MAP4K5: variants seen among roughly 807,000 people sequenced by gnomAD.
MAP4K5 encodes the protein mitogen-activated protein kinase kinase kinase kinase 5, also known as MAPK/ERK kinase kinase kinase 5.
In MAP4K5, 82 loss-of-function variants were observed where a neutral mutation model predicts 135.6. The observed-to-expected ratio is 0.60, with a 90% CI of 0.51 to 0.73. The LOEUF is 0.73. Among genes scored for constraint, MAP4K5 ranks in the 30% least tolerant of loss-of-function variants. MAP4K5 has a pLI of 0.00. For missense variants in MAP4K5, 907 were observed against 1,010.9 expected (o/e 0.90, Z 1.39); for synonymous variants, 347 against 335.0 (o/e 1.04, Z -0.39).
At chr14:50,444,934 GA>G in intron 18 of MAP4K5, 106 bp downstream of exon 18, 3 of 1,211,018 alleles carry the variant, frequency 2.5e-6, no homozygotes, top group Non-Finnish European at 3.4e-6. Flanking sequence ...GATATTTTTT[GA>G]AATAGGAACA....
At chr14:50,478,603 A>AT (rs1380540509) in intron 6 of MAP4K5, among the ~76,000 whole-genome samples, 2 of 152,062 alleles carry the variant, frequency 1.3e-5, no homozygotes, top group African/African-American at 2.4e-5. Flanking sequence ...CAGATTTCAG[A>AT]TTTTTTAGTA....
rs916454075 is a variant in MAP4K5, at chr14:50,486,095, T to C, written c.257+9A>G. 4 of 1,099,298 alleles carry C rather than the reference T, an allele frequency of 3.6e-6. No individual in the cohort carries two copies. Among genetic ancestry groups the C allele is most frequent in the Non-Finnish European group, 5.3e-6 (4 of 753,276 alleles). 68.1% of individuals were successfully genotyped at this position (1,099,298 alleles called of 1,614,324 possible). On this transcript the variant is annotated intron_variant, in intron 4 of 32. Coordinates refer to ENST00000682126, the MANE Select transcript of MAP4K5 (RefSeq NM_006575.6). Reference sequence around the variant, plus strand: ...ATACAGAGAGAGATGATGCTTTTTTTTCTCTTACCTAAGATAACTCCCAAA... The same window carrying C: ...ATACAGAGAGAGATGATGCTTTTTTCTCTCTTACCTAAGATAACTCCCAAA...
chr14:50,555,871 A>G (rs1050742143), intron 1 of MAP4K5, among the ~76,000 whole-genome samples: 2 of 152,180 alleles, frequency 1.3e-5, no homozygotes, highest in Non-Finnish European at 2.9e-5. Context: ...ATACTTTTCT[A>G]AGATTGCTAT....
chr14:50,462,032 C>T (rs1298884449), intron 13 of MAP4K5, among the ~76,000 whole-genome samples: 3 of 152,020 alleles, frequency 2.0e-5, no homozygotes, highest in Non-Finnish European at 2.9e-5. Flanking sequence ...TTTTGAAATA[C>T]TGAAAAGGAT....
At chr14:50,544,265 A>T (rs2038600119) in intron 1 of MAP4K5, among the ~76,000 whole-genome samples, 1 of 152,206 alleles carries the variant, frequency 6.6e-6, no homozygotes, top group Non-Finnish European at 1.5e-5. Context: ...GGAAGCCATG[A>T]TGATCACTTT....
At chr14:50,445,457 G>T (rs2036325143) in intron 17 of MAP4K5, among the ~76,000 whole-genome samples, 1 of 152,114 alleles carries the variant, frequency 6.6e-6, no homozygotes, top group Non-Finnish European at 1.5e-5. Context: ...CAAGAAAAAT[G>T]ACTCCACTAA....
chr14:50,524,507 A>G (rs1432736299), intron 2 of MAP4K5, among the ~76,000 whole-genome samples: 1 of 152,200 alleles, frequency 6.6e-6, no homozygotes, highest in African/African-American at 2.4e-5. Flanking sequence ...AAGACAAGCA[A>G]AAATGAGAAG....
At chr14:50,456,627 C>T (rs1566653191) in intron 13 of MAP4K5, 33 bp from the exon 14 acceptor site, 46 of 1,342,660 alleles carry the variant, frequency 3.4e-5, no homozygotes, top group Non-Finnish European at 4.4e-5. Context: ...TATACTTTAA[C>T]AAATTTCAAT....
chr14:50,509,959 C>G lies in MAP4K5; in HGVS notation c.109-5102G>C, dbSNP rs147926311. ...CAAGAAAGTTACAAAAGTACACTCA[C>G]AAATTGTGACGGTTGAAAAATTCAA... On this transcript the variant is annotated intron_variant, in intron 2 of 32. Transcript: ENST00000682126. Among the ~76,000 whole-genome samples, 37 of 152,310 alleles carry G rather than the reference C, an allele frequency of 2.4e-4. 1 individual carries two copies. The East Asian group carries it at 6.9e-3, about 29-fold the overall frequency.
At chr14:50,442,109 A>T (rs2036242499) in intron 21 of MAP4K5, among the ~76,000 whole-genome samples, 1 of 152,156 alleles carries the variant, frequency 6.6e-6, no homozygotes, top group South Asian at 2.1e-4. Context: ...TTGCCTCTGA[A>T]AATGTTTCCT....
intron 22 of MAP4K5, 91 bp downstream of exon 22, chr14:50,440,271 A>C: frequency 1.2e-6 from 1 of 858,548 alleles, no homozygotes; most frequent in Non-Finnish European, 1.8e-6. Flanking sequence ...ATAAAAATTA[A>C]AATTGGGGCC....
chr14:50,506,696 A>G (rs573635865), intron 2 of MAP4K5, among the ~76,000 whole-genome samples: 2 of 152,190 alleles, frequency 1.3e-5, no homozygotes, highest in African/African-American at 2.4e-5. Context: ...CTACTTTGTG[A>G]TAAGTTCACA....
At chr14:50,434,185 T>A (rs2036036915) in intron 28 of MAP4K5, among the ~76,000 whole-genome samples, 1 of 152,156 alleles carries the variant, frequency 6.6e-6, no homozygotes, top group South Asian at 2.1e-4. Context: ...TCATTAAAAA[T>A]TTCCTTTGTT....
rs551546862 is a variant in MAP4K5, at chr14:50,481,461, C to T, written c.378+900G>A. 4.1e-4 allele frequency among the ~76,000 whole-genome samples: 62 copies of T among 152,016 alleles called. 1 individual carries two copies. Among genetic ancestry groups the T allele is most frequent in the African/African-American group, 1.4e-3 (59 of 41,486 alleles). On this transcript the variant is annotated intron_variant, in intron 6 of 32. Coordinates refer to ENST00000682126, the MANE Select transcript of MAP4K5 (RefSeq NM_006575.6). ...TCCCATTTTGGAAAATATTAGAGAA[C>T]AACACATAGAGTATCAATTTCTTTC...
At chr14:50,466,394 A>C (rs1330837557) in intron 11 of MAP4K5, among the ~76,000 whole-genome samples, 189 bp downstream of exon 11, 1 of 151,402 alleles carries the variant, frequency 6.6e-6, no homozygotes, top group Non-Finnish European at 1.5e-5. Flanking sequence ...AAAAAAAAAA[A>C]AAAAAAAAAA....
chr14:50,429,797 A>T (rs912236084), intron 28 of MAP4K5, among the ~76,000 whole-genome samples: 15 of 152,226 alleles, frequency 9.9e-5, no homozygotes, highest in African/African-American at 3.1e-4. Flanking sequence ...ACTGAGTAAC[A>T]TAATGAACAA....
intron 2 of MAP4K5, among the ~76,000 whole-genome samples, chr14:50,517,633 TG>T (rs2038061812): frequency 6.6e-6 from 1 of 151,754 alleles, no homozygotes; most frequent in African/African-American, 2.4e-5. Context: ...CAGGGCATGA[TG>T]GGTGGGCACC....
chr14:50,539,287 C>A (rs2038532631), intron 2 of MAP4K5, among the ~76,000 whole-genome samples: 2 of 152,172 alleles, frequency 1.3e-5, no homozygotes, highest in Admixed American at 1.3e-4. Context: ...TAGCACTTAG[C>A]TGCTGTAACA....
At chr14:50,517,726 C>T (rs2038064282) in intron 2 of MAP4K5, among the ~76,000 whole-genome samples, 1 of 151,926 alleles carries the variant, frequency 6.6e-6, no homozygotes, top group African/African-American at 2.4e-5. Context: ...TGCAGTAAGC[C>T]AAGATACCGC....
Sources: gnomAD v4.1 joint callset for allele counts (sites outside exome capture counted in the v4.1 genomes callset) on GRCh38, gnomAD v4.1.1 for gene constraint, MANE v1.5 for transcripts, NCBI Gene and HGNC (gene_info 2026-07-23, HGNC 2026-07-21) for gene names.